The following GRID1 variants were observed in gnomAD, a reference collection of about 807,000 sequenced individuals.
The protein encoded by GRID1 is glutamate ionotropic receptor delta type subunit 1, also known as glutamate receptor ionotropic, delta-1.
In GRID1, 28 loss-of-function variants were observed where a neutral mutation model predicts 98.0. That is an observed-to-expected ratio of 0.29 (90% CI 0.21 to 0.39). The LOEUF (loss-of-function observed/expected upper bound fraction) is 0.39, where lower values mean the gene tolerates loss of function less well. Ranked by LOEUF, GRID1 falls within the 10% of genes least tolerant of loss-of-function variation. GRID1 has a pLI of 1.00. For missense variants in GRID1, 1,111 were observed against 1,340.5 expected, an observed-to-expected ratio of 0.83 and a Z score of 2.67; for synonymous variants, 553 against 538.5, an observed-to-expected ratio of 1.03 and a Z score of -0.37.
chr10:85,764,286 TC>T (rs919245750), intron 8 of GRID1, among the ~76,000 whole-genome samples: 1 of 151,916 alleles, frequency 6.6e-6, no homozygotes, highest in Non-Finnish European at 1.5e-5. Context: ...CAGCACAGAA[TC>T]CCCCCGAGGA....
At chr10:85,995,549 A>C (rs768830965) in intron 4 of GRID1, among the ~76,000 whole-genome samples, 2 of 152,258 alleles carry the variant, frequency 1.3e-5, no homozygotes, top group Non-Finnish European at 2.9e-5. Flanking sequence ...TCTCCCCTGA[A>C]CATAGTCATA....
chr10:85,930,748 AT>A (rs373832893), intron 4 of GRID1, among the ~76,000 whole-genome samples: 4 of 152,072 alleles, frequency 2.6e-5, no homozygotes, highest in African/African-American at 9.6e-5. Flanking sequence ...TTGCTATCAT[AT>A]TGATTGATAG....
At chr10:85,815,812 A>G (rs966959412) in intron 8 of GRID1, among the ~76,000 whole-genome samples, 4 of 151,850 alleles carry the variant, frequency 2.6e-5, no homozygotes, top group African/African-American at 7.2e-5. Flanking sequence ...ATATTTTAAA[A>G]CTCTTATCTA....
chr10:85,741,220 T>C (rs1564576311), intron 8 of GRID1, among the ~76,000 whole-genome samples: 1 of 152,160 alleles, frequency 6.6e-6, no homozygotes, highest in African/African-American at 2.4e-5. Context: ...TGCCTCATAT[T>C]TGAAGCTCTG....
intron 4 of GRID1, among the ~76,000 whole-genome samples, chr10:86,021,924 G>C (rs188323760): frequency 1.3e-5 from 2 of 152,120 alleles, no homozygotes; most frequent in Non-Finnish European, 2.9e-5. Flanking sequence ...CCTGGGTCCC[G>C]GGCTGTCTAG....
intron 10 of GRID1, among the ~76,000 whole-genome samples, chr10:85,725,735 G>C (rs552933194): frequency 1.3e-5 from 2 of 152,280 alleles, no homozygotes; most frequent in East Asian, 1.9e-4. Flanking sequence ...CACGTGGAAG[G>C]ATTTTTTCAA....
At chr10:85,823,214 C>T (rs1483669901) in intron 8 of GRID1, among the ~76,000 whole-genome samples, 5 of 152,072 alleles carry the variant, frequency 3.3e-5, no homozygotes, top group African/African-American at 1.2e-4. Context: ...AGTACATTGT[C>T]AAAATCTCAA....
intron 4 of GRID1, among the ~76,000 whole-genome samples, chr10:86,048,053 G>A (rs1843449818): frequency 6.6e-6 from 1 of 152,110 alleles, no homozygotes; most frequent in South Asian, 2.1e-4. Context: ...CTGACCTCAA[G>A]TTCACCATCC....
intron 4 of GRID1, among the ~76,000 whole-genome samples, chr10:86,030,169 G>A (rs971391300): frequency 8.5e-5 from 13 of 152,188 alleles, no homozygotes; most frequent in African/African-American, 2.7e-4. Context: ...TCACACCCTG[G>A]CTATGTAAAG....
At chr10:85,761,394 T>C (rs1564582183) in intron 8 of GRID1, among the ~76,000 whole-genome samples, 1 of 152,326 alleles carries the variant, frequency 6.6e-6, no homozygotes, top group South Asian at 2.1e-4. Flanking sequence ...CAGTTTCTGA[T>C]CACCCATTCA....
At chr10:85,874,027 A>G (rs1025819967) in intron 5 of GRID1, among the ~76,000 whole-genome samples, 21 of 152,132 alleles carry the variant, frequency 1.4e-4, no homozygotes, top group African/African-American at 5.1e-4. Context: ...TATTCACCCT[A>G]TTGTTGATTA....
At chr10:86,104,774 C>A (rs2131947355) in intron 4 of GRID1, among the ~76,000 whole-genome samples, 1 of 152,350 alleles carries the variant, frequency 6.6e-6, no homozygotes, top group African/African-American at 2.4e-5. Flanking sequence ...GCACCATGGT[C>A]AGGTCCAGCT....
chr10:85,996,585 C>T (rs1842740916), intron 4 of GRID1, among the ~76,000 whole-genome samples: 1 of 151,930 alleles, frequency 6.6e-6, no homozygotes, highest in Non-Finnish European at 1.5e-5. Flanking sequence ...CATCAGGGAC[C>T]TATGAAACAA....
chr10:85,869,009 C>G lies in GRID1; in HGVS notation c.951+1G>C. 1 of 1,613,030 alleles carries G rather than the reference C, an allele frequency of 6.2e-7. No individual in the cohort carries two copies. The highest frequency in any genetic ancestry group is 8.5e-7 in the Non-Finnish European group (1 of 1,179,490). On this transcript the variant is annotated splice_donor_variant, in intron 6 of 15. Transcript: ENST00000327946. LOFTEE classifies it high-confidence loss of function. ...CTGGAGAGAAGAGGCTGAGCACTGA[C>G]CTGCAGCATCTGGAGGTAGCCTTCC...
At chr10:86,219,618 G>C (rs1053967389) in intron 2 of GRID1, among the ~76,000 whole-genome samples, 2 of 152,210 alleles carry the variant, frequency 1.3e-5, no homozygotes, top group Non-Finnish European at 1.5e-5. Flanking sequence ...CCCAGAGTGA[G>C]GGCAGGAGGG....
At chr10:86,339,577 G>A (rs1343799888) in intron 2 of GRID1, among the ~76,000 whole-genome samples, 1 of 152,244 alleles carries the variant, frequency 6.6e-6, no homozygotes, top group Non-Finnish European at 1.5e-5. Context: ...CCTAGAGCCG[G>A]CCCTCAGGCA....
In GRID1 at chr10:86,006,266, A is replaced by T. The variant is rs74956025; in HGVS notation, c.727-90027T>A. ...AATATGATTATCCACTTGGGAAAAA[A>T]GGTTAATTTCAAAACCTAACTCATT... On this transcript the variant is annotated intron_variant, in intron 4 of 15. Transcript: ENST00000327946. 4.7e-3 allele frequency among the ~76,000 whole-genome samples: 721 copies of T among 152,356 alleles called. 8 individuals carry two copies. Among genetic ancestry groups the T allele is most frequent in the African/African-American group, 0.016 (666 of 41,588 alleles).
At chr10:85,633,574 C>G (rs931520226) in intron 13 of GRID1, among the ~76,000 whole-genome samples, 5 of 152,150 alleles carry the variant, frequency 3.3e-5, no homozygotes, top group African/African-American at 1.2e-4. Context: ...GATAGAGAAG[C>G]AAAATTGCAT....
intron 8 of GRID1, among the ~76,000 whole-genome samples, chr10:85,750,443 T>C (rs886293849): frequency 5.9e-5 from 9 of 152,088 alleles, no homozygotes; most frequent in Non-Finnish European, 5.9e-5. Context: ...ATGTGAATAA[T>C]TGAAAGGAAA....
Sources: allele counts gnomAD v4.1 joint callset (sites outside exome capture counted in the v4.1 genomes callset), GRCh38; gene constraint gnomAD v4.1.1; transcripts MANE v1.5; gene names NCBI Gene and HGNC (gene_info 2026-07-23, HGNC 2026-07-21).